The following DST variants were observed in gnomAD, a reference collection of about 807,000 sequenced individuals.
DST encodes bullous pemphigoid antigen.
DST carries 253 observed loss-of-function variants against 875.2 expected under a neutral mutation model. The ratio of observed to expected loss-of-function variants is 0.29; its 90% confidence interval spans 0.26 to 0.32. The LOEUF (loss-of-function observed/expected upper bound fraction) is 0.32, where lower values mean the gene tolerates loss of function less well. Ranked by LOEUF, DST falls within the 10% of genes least tolerant of loss-of-function variation. DST has a pLI of 1.00. For synonymous variants in DST, 3,124 were observed against 3,197.1 expected (o/e 0.98, Z 0.77); for missense variants, 8,287 against 9,111.6 (o/e 0.91, Z 3.68).
intron 99 of DST, among the ~76,000 whole-genome samples, chr6:56,465,323 G>A (rs963121557): frequency 6.6e-6 from 1 of 152,136 alleles, no homozygotes; most frequent in African/African-American, 2.4e-5. Context: ...AAGGATTACA[G>A]TGAGCTCACA....
chr6:56,548,462 G>A (rs904087469), intron 61 of DST, among the ~76,000 whole-genome samples: 3 of 152,184 alleles, frequency 2.0e-5, no homozygotes, highest in Non-Finnish European at 4.4e-5. Context: ...TCACATAATA[G>A]GAATTACTGG....
At chr6:56,482,958 C>T (rs934112303) in intron 88 of DST, 81 bp from the exon 89 acceptor site, 5 of 1,030,384 alleles carry the variant, frequency 4.9e-6, no homozygotes, top group Middle Eastern at 2.3e-4. Context: ...TATATATGTG[C>T]ACATAACATC....
In DST at chr6:56,509,380, C is replaced by G. The variant is rs529336139; in HGVS notation, c.19012+262G>C. Among the ~76,000 whole-genome samples, 173 of 152,210 alleles carry G rather than the reference C, an allele frequency of 1.1e-3. 1 individual carries two copies. The highest frequency in any genetic ancestry group is 2.0e-3 in the Non-Finnish European group (139 of 68,008). On this transcript the variant is annotated intron_variant, in intron 74 of 103. Coordinates refer to ENST00000680361, the MANE Select transcript of DST (RefSeq NM_001374736.1). ...TGCTTCAACCTACTGATTTAAAAGG[C>G]CTGAATACACATGGTCTTTGAACAT...
At chr6:56,573,570 T>C (rs1247220338) in intron 51 of DST, 109 bp downstream of exon 51, 8 of 776,976 alleles carry the variant, frequency 1.0e-5, no homozygotes, top group South Asian at 1.8e-5. Context: ...ATTCAGTAAA[T>C]GTCTCTTTTT....
chr6:56,879,916 A>C (rs1226712712), intron 3 of DST, among the ~76,000 whole-genome samples: 1 of 152,252 alleles, frequency 6.6e-6, no homozygotes, highest in East Asian at 1.9e-4. Context: ...TGTTTGCTAA[A>C]AGGTTTAAGT....
intron 10 of DST, among the ~76,000 whole-genome samples, chr6:56,662,665 C>T (rs147568349): frequency 6.6e-6 from 1 of 152,032 alleles, no homozygotes; most frequent in Non-Finnish European, 1.5e-5. Flanking sequence ...TTTGGCCGGG[C>T]GAGGTGGCTG....
At chr6:56,638,746 A>T (rs1270564191) in intron 22 of DST, among the ~76,000 whole-genome samples, 28 of 152,196 alleles carry the variant, frequency 1.8e-4, no homozygotes, top group Non-Finnish European at 1.5e-5. Flanking sequence ...CTGTCCCAAT[A>T]CACCTCACAA....
intron 92 of DST, among the ~76,000 whole-genome samples, chr6:56,474,960 C>CAAAAAAAAAAAA (rs386407168): frequency 3.2e-5 from 1 of 31,318 alleles, no homozygotes; most frequent in African/African-American, 1.0e-4. Context: ...CCCTGCCTCT[C>CAAAAAAAAAAAA]AAAAAAAAAA....
Position 56,905,755 on chromosome 6 carries a change from TCTC to T in DST, c.217-5137_217-5135del, listed in dbSNP as rs1417199529. On this transcript the variant is annotated intron_variant, in intron 2 of 103. Transcript: ENST00000680361. ...CCTCCACCTCCCGGGCTCAAGCAAT[TCTC>T]CTGCCTCAGCCTCCCAAGTAGATGG... 3.3e-5 allele frequency among the ~76,000 whole-genome samples: 5 copies of T among 152,134 alleles called. No homozygotes were observed. In the East Asian group the frequency reaches 5.8e-4, roughly 18 times the overall value.
At chr6:56,524,306 T>G (rs1466019436) in intron 69 of DST, among the ~76,000 whole-genome samples, 2 of 152,158 alleles carry the variant, frequency 1.3e-5, no homozygotes, top group Non-Finnish European at 2.9e-5. Flanking sequence ...TTTATGATCC[T>G]TTTAGTGTTG....
chr6:56,470,733 G>GA (rs34543554), intron 95 of DST, among the ~76,000 whole-genome samples: 32,844 of 149,176 alleles, frequency 0.22, 4,116 homozygotes, highest in Middle Eastern at 0.43. Context: ...GAATTAGAAT[G>GA]AAAAAGGGAC....
chr6:56,577,956 G>C (rs1196745704), intron 50 of DST, among the ~76,000 whole-genome samples: 1 of 151,942 alleles, frequency 6.6e-6, no homozygotes, highest in Non-Finnish European at 1.5e-5. Flanking sequence ...CCCAAATGTT[G>C]GGATTACAGG....
rs761823594 is a variant in DST at position 56,633,049 on chromosome 6, C to G, written c.3622-12G>C. The G allele has an allele frequency of 1.1e-5, 17 of 1,611,320 alleles. No individual in the cohort carries two copies. The highest frequency in any genetic ancestry group is 1.7e-4 in the Middle Eastern group (1 of 6,054). ...AGCATTGTCTTTATCTAAAGAAGAC[C>G]AAAGACCCATGTAATTCATTCTATT... On this transcript the variant is annotated splice_polypyrimidine_tract_variant and intron_variant, in intron 27 of 103. Transcript: ENST00000680361.
intron 5 of DST, among the ~76,000 whole-genome samples, chr6:56,728,302 T>G (rs952846051): frequency 6.6e-6 from 1 of 152,246 alleles, no homozygotes; most frequent in Non-Finnish European, 1.5e-5. Flanking sequence ...AAAGATATTT[T>G]GCTATTAATC....
intron 101 of DST, 51 bp from the exon 102 acceptor site, chr6:56,463,207 C>T: frequency 1.8e-6 from 2 of 1,086,570 alleles, no homozygotes; most frequent in Admixed American, 1.9e-5. Flanking sequence ...ATAAAAAAAA[C>T]AAAGCCACAG....
At chr6:56,939,621 G>C (rs1815222247) in intron 2 of DST, among the ~76,000 whole-genome samples, 1 of 152,096 alleles carries the variant, frequency 6.6e-6, no homozygotes, top group Admixed American at 6.6e-5. Context: ...ATTTTCTGCT[G>C]TCCTTTTAAG....
intron 49 of DST, among the ~76,000 whole-genome samples, chr6:56,585,226 G>A (rs2098122114): frequency 6.6e-6 from 1 of 152,150 alleles, no homozygotes; most frequent in South Asian, 2.1e-4. Flanking sequence ...TCTGGTCCTG[G>A]ACTCTTTTTC....
chr6:56,572,682 GTA>G, intron 52 of DST, 63 bp downstream of exon 52: 1 of 1,190,346 alleles, frequency 8.4e-7, no homozygotes, highest in Non-Finnish European at 1.2e-6. Context: ...CTGGCACTAA[GTA>G]TATGAGTTTG....
chr6:56,862,370 GA>G (rs1289575954), intron 3 of DST, among the ~76,000 whole-genome samples: 1 of 152,104 alleles, frequency 6.6e-6, no homozygotes, highest in African/African-American at 2.4e-5. Flanking sequence ...GATAGTGTTT[GA>G]GGGGGGAAGA....
Sources: allele counts gnomAD v4.1 joint callset (sites outside exome capture counted in the v4.1 genomes callset), GRCh38; gene constraint gnomAD v4.1.1; transcripts MANE v1.5; gene names NCBI Gene and HGNC (gene_info 2026-07-23, HGNC 2026-07-21).